PCDHA2: variants seen among roughly 807,000 people sequenced by gnomAD.
PCDHA2 encodes protocadherin alpha-2.
In PCDHA2, 58 loss-of-function variants were observed where a neutral mutation model predicts 66.0. The ratio of observed to expected loss-of-function variants is 0.88; its 90% CI spans 0.71 to 1.09. The LOEUF is 1.09. Ranked by LOEUF, PCDHA2 falls within the 50% of genes least tolerant of loss-of-function variation. The pLI is 0.00. For missense variants in PCDHA2, 1,267 were observed against 1,242.3 expected, an observed-to-expected ratio of 1.02 and a Z score of -0.30; for synonymous variants, 634 against 554.0, an observed-to-expected ratio of 1.14 and a Z score of -2.03.
chr5:140,823,889 C>T, intron 1 of PCDHA2: 1 of 1,613,944 alleles, frequency 6.2e-7, no homozygotes, highest in Non-Finnish European at 8.5e-7. Flanking sequence ...GCCATCTGTG[C>T]GGTGTCCAGC....
chr5:140,798,113 C>T (rs1282762956), intron 1 of PCDHA2, among the ~76,000 whole-genome samples: 1 of 152,098 alleles, frequency 6.6e-6, no homozygotes, highest in African/African-American at 2.4e-5. Context: ...CTCAAGTGAT[C>T]CACCCTCCTA....
intron 1 of PCDHA2, chr5:140,801,879 C>T (rs916926468): frequency 1.9e-6 from 3 of 1,614,128 alleles, no homozygotes; most frequent in Non-Finnish European, 2.5e-6. Flanking sequence ...CACGACTCAA[C>T]TAAAGATCAC....
chr5:140,806,506 T>C (rs781804257), intron 1 of PCDHA2, among the ~76,000 whole-genome samples: 1 of 152,220 alleles, frequency 6.6e-6, no homozygotes, highest in Non-Finnish European at 1.5e-5. Context: ...AAGGAAGACA[T>C]CTAATTAAAT....
intron 1 of PCDHA2, chr5:140,821,871 C>T (rs2150111403): frequency 6.2e-7 from 1 of 1,614,228 alleles, no homozygotes; most frequent in South Asian, 1.1e-5. Context: ...AGCTCCACTA[C>T]TCGATCCCGG....
chr5:140,905,493 T>C (rs185992010), intron 1 of PCDHA2, among the ~76,000 whole-genome samples: 10 of 152,288 alleles, frequency 6.6e-5, no homozygotes, highest in Non-Finnish European at 1.5e-4. Context: ...CTTCTTTTTG[T>C]TTTGTATTGC....
intron 1 of PCDHA2, among the ~76,000 whole-genome samples, chr5:140,975,953 T>A (rs1554237158): frequency 6.6e-6 from 1 of 152,084 alleles, no homozygotes; most frequent in Non-Finnish European, 1.5e-5. Context: ...CATATTAGAG[T>A]TCTTCACCAA....
At chr5:140,942,109 A>G (rs534603504) in intron 1 of PCDHA2, among the ~76,000 whole-genome samples, 55 of 152,334 alleles carry the variant, frequency 3.6e-4, no homozygotes, top group African/African-American at 1.3e-3. Flanking sequence ...CATATAATCA[A>G]ACTTTATTAA....
At chr5:140,971,181 C>T (rs1364149664) in intron 1 of PCDHA2, among the ~76,000 whole-genome samples, 1 of 152,104 alleles carries the variant, frequency 6.6e-6, no homozygotes, top group Non-Finnish European at 1.5e-5. Context: ...AGCTGTAAGC[C>T]GGAAGCTCAG....
chr5:140,876,493 C>T (rs1554168608), intron 1 of PCDHA2: 2 of 1,614,008 alleles, frequency 1.2e-6, no homozygotes, highest in Admixed American at 3.3e-5. Context: ...GGTGGAAGTT[C>T]TGGACGTGAA....
intron 3 of PCDHA2, among the ~76,000 whole-genome samples, chr5:140,987,227 AT>A (rs1395687024): frequency 4.6e-5 from 7 of 151,696 alleles, no homozygotes; most frequent in African/African-American, 1.7e-4. Context: ...AAAAAAAAAA[AT>A]AATAAATAAA....
chr5:140,850,517 G>A, intron 1 of PCDHA2: 1 of 1,598,300 alleles, frequency 6.3e-7, no homozygotes, highest in Non-Finnish European at 8.6e-7. Context: ...AGAGCGGCCA[G>A]GCGCCAAAGT....
intron 1 of PCDHA2, chr5:140,802,350 G>A (rs1175732642): frequency 1.9e-6 from 3 of 1,614,250 alleles, no homozygotes; most frequent in Non-Finnish European, 2.5e-6. Context: ...CAATGGACAG[G>A]TCACCTGCTC....
At chr5:140,808,713 C>G in intron 1 of PCDHA2, 8 of 1,612,214 alleles carry the variant, frequency 5.0e-6, no homozygotes, top group Non-Finnish European at 6.8e-6. Flanking sequence ...AGCTACGTTT[C>G]GGTGCATGCG....
chr5:140,836,904 A>G (rs1774799044), intron 1 of PCDHA2: 1 of 589,848 alleles, frequency 1.7e-6, no homozygotes, highest in Non-Finnish European at 2.8e-6. Context: ...TACGTTTAAT[A>G]TACACTTTTG....
intron 1 of PCDHA2, among the ~76,000 whole-genome samples, chr5:140,939,634 G>C (rs1032922800): frequency 3.9e-5 from 6 of 152,066 alleles, no homozygotes; most frequent in African/African-American, 7.2e-5. Context: ...AATCAATAAG[G>C]GTACTGAAAA....
At chr5:140,912,652 G>A (rs555103404) in intron 1 of PCDHA2, among the ~76,000 whole-genome samples, 2 of 152,132 alleles carry the variant, frequency 1.3e-5, no homozygotes, top group South Asian at 2.1e-4. Context: ...TTGAATAGAA[G>A]TGGTGAAAAT....
At chr5:140,877,654 A>T in intron 1 of PCDHA2, 1 of 1,613,490 alleles carries the variant, frequency 6.2e-7, no homozygotes, top group South Asian at 1.1e-5. Flanking sequence ...AGCGCCGCCC[A>T]CCGTGAGCCG....
intron 1 of PCDHA2, among the ~76,000 whole-genome samples, chr5:140,886,696 C>T (rs564317930): frequency 2.0e-5 from 3 of 151,944 alleles, no homozygotes; most frequent in Non-Finnish European, 2.9e-5. Flanking sequence ...CATGGTGGCA[C>T]GCGCCTGTAA....
At chr5:140,816,127 G>C (rs1554126985) in intron 1 of PCDHA2, 1 of 152,080 alleles carries the variant, frequency 6.6e-6, no homozygotes, top group Non-Finnish European at 1.5e-5. Flanking sequence ...TTTTGAAACT[G>C]TCATAATGAG....
Sources: allele counts gnomAD v4.1 joint callset (sites outside exome capture counted in the v4.1 genomes callset), GRCh38; gene constraint gnomAD v4.1.1; transcripts MANE v1.5; gene names NCBI Gene and HGNC (gene_info 2026-07-23, HGNC 2026-07-21).